The following UGT1A10 variants were observed in gnomAD, a reference collection of about 807,000 sequenced individuals.
UGT1A10 encodes the protein UDP glucuronosyltransferase family 1 member A10.
UGT1A10 carries 49 observed loss-of-function variants against 45.8 expected under a neutral mutation model. That is an observed-to-expected ratio of 1.07 (90% CI 0.85 to 1.36). The LOEUF (loss-of-function observed/expected upper bound fraction) is 1.36, where lower values mean the gene tolerates loss of function less well. UGT1A10 is among the 40% of genes most tolerant of loss of function. The pLI is 0.00. For synonymous variants in UGT1A10, 284 were observed against 249.7 expected (o/e 1.14, Z -1.29); for missense variants, 745 against 668.6 (o/e 1.11, Z -1.26).
chr2:233,693,679 G>T (rs750041304), intron 1 of UGT1A10: 1 of 1,614,172 alleles, frequency 6.2e-7, no homozygotes, highest in East Asian at 2.2e-5. Context: ...TTTATTGTCT[G>T]TTTTCAAAGT....
chr2:233,701,408 C>A (rs2075626075), intron 1 of UGT1A10, among the ~76,000 whole-genome samples: 1 of 152,062 alleles, frequency 6.6e-6, no homozygotes, highest in Non-Finnish European at 1.5e-5. Flanking sequence ...GACTTTAACA[C>A]CCCACTGTCA....
intron 1 of UGT1A10, among the ~76,000 whole-genome samples, chr2:233,676,286 T>C (rs2074353704): frequency 6.6e-6 from 1 of 152,084 alleles, no homozygotes; most frequent in Non-Finnish European, 1.5e-5. Flanking sequence ...TCCACAGGGG[T>C]CCTGCAAATA....
At chr2:233,694,512 A>C (rs2075224348) in intron 1 of UGT1A10, among the ~76,000 whole-genome samples, 1 of 152,186 alleles carries the variant, frequency 6.6e-6, no homozygotes, top group African/African-American at 2.4e-5. Context: ...CCCTCCTGAC[A>C]TGTAGGAAAA....
At chr2:233,702,880 T>C (rs1399878885) in intron 1 of UGT1A10, among the ~76,000 whole-genome samples, 5 of 152,212 alleles carry the variant, frequency 3.3e-5, no homozygotes, top group Admixed American at 2.6e-4. Context: ...TTGAGGACTT[T>C]TGCATCATAT....
intron 1 of UGT1A10, among the ~76,000 whole-genome samples, chr2:233,640,377 C>G (rs1427433859): frequency 6.6e-6 from 1 of 152,020 alleles, no homozygotes; most frequent in Non-Finnish European, 1.5e-5. Context: ...GTCATTCCAT[C>G]ATTGAATATT....
At chr2:233,711,223 C>T (rs1464133261) in intron 1 of UGT1A10, among the ~76,000 whole-genome samples, 2 of 152,210 alleles carry the variant, frequency 1.3e-5, no homozygotes, top group Non-Finnish European at 2.9e-5. Flanking sequence ...GCTCCCATGT[C>T]GCTGAAGGCA....
At chr2:233,665,701 A>G (rs1262754614) in intron 1 of UGT1A10, among the ~76,000 whole-genome samples, 1 of 152,226 alleles carries the variant, frequency 6.6e-6, no homozygotes, top group Non-Finnish European at 1.5e-5. Flanking sequence ...CTGCATCCCT[A>G]CCAGATAGGG....
chr2:233,736,836 A>T (rs1170480165), intron 1 of UGT1A10, among the ~76,000 whole-genome samples: 1 of 152,200 alleles, frequency 6.6e-6, no homozygotes, highest in Admixed American at 6.5e-5. Context: ...TTGCTTTGGT[A>T]TCACCAGTGG....
At chr2:233,731,438 C>G (rs1329766124) in intron 1 of UGT1A10, among the ~76,000 whole-genome samples, 1 of 152,078 alleles carries the variant, frequency 6.6e-6, no homozygotes, top group African/African-American at 2.4e-5. Context: ...CTCCCCCAGT[C>G]CCCCACCCCA....
intron 1 of UGT1A10, among the ~76,000 whole-genome samples, chr2:233,709,126 C>T (rs1018411763): frequency 5.3e-5 from 8 of 152,124 alleles, no homozygotes; most frequent in Non-Finnish European, 1.2e-4. Context: ...ATCATGGTGG[C>T]CAAGGGGATG....
intron 1 of UGT1A10, chr2:233,713,615 G>T (rs374147519): frequency 6.2e-7 from 1 of 1,613,832 alleles, no homozygotes; most frequent in Non-Finnish European, 8.5e-7. Context: ...TGACATTCCT[G>T]CAAAGGGTCA....
rs539153325 is a variant in UGT1A10, at chr2:233,714,494, T to G, written c.856-52540T>G. On this transcript the variant is annotated intron_variant, in intron 1 of 4. Coordinates refer to ENST00000344644, the MANE Select transcript of UGT1A10 (RefSeq NM_019075.4). ...AGGAGAATGTTTCTTGTGAAGACAC[T>G]ACTTAAAAAAAATTCTTACTAGGTT... Among the ~76,000 whole-genome samples, 98 of 152,310 alleles carry G rather than the reference T, an allele frequency of 6.4e-4. 1 individual carries two copies. The South Asian group carries it at 0.019, about 30-fold the overall frequency.
intron 1 of UGT1A10, among the ~76,000 whole-genome samples, chr2:233,727,384 C>T (rs1032238584): frequency 4.6e-5 from 7 of 152,144 alleles, no homozygotes; most frequent in Admixed American, 1.3e-4. Flanking sequence ...TGGAGTACCA[C>T]CGTCTTCCAA....
intron 1 of UGT1A10, among the ~76,000 whole-genome samples, chr2:233,705,148 A>AAG (rs939982250): frequency 1.6e-4 from 24 of 150,886 alleles, no homozygotes; most frequent in Admixed American, 1.5e-3. Flanking sequence ...AAAAAAAAAA[A>AAG]AGAGAGAGAG....
intron 1 of UGT1A10, chr2:233,747,238 C>T (rs1693595349): frequency 1.8e-5 from 29 of 1,603,598 alleles, no homozygotes; most frequent in Non-Finnish European, 2.5e-5. Flanking sequence ...CCAGGTTCCC[C>T]TGCTGTGGCT....
At chr2:233,653,942 T>A (rs1221702781) in intron 1 of UGT1A10, among the ~76,000 whole-genome samples, 1 of 152,244 alleles carries the variant, frequency 6.6e-6, no homozygotes, top group Non-Finnish European at 1.5e-5. Flanking sequence ...AAGGGACATC[T>A]CTTCATTATT....
At chr2:233,760,285 G>C (rs376515645) in intron 1 of UGT1A10, 1 of 1,612,934 alleles carries the variant, frequency 6.2e-7, no homozygotes, top group East Asian at 2.2e-5. Flanking sequence ...GAGCAAAGGC[G>C]CCATGGCTGT....
At chr2:233,692,569 C>G (rs2075102879) in intron 1 of UGT1A10, among the ~76,000 whole-genome samples, 3 of 152,158 alleles carry the variant, frequency 2.0e-5, no homozygotes, top group Admixed American at 2.0e-4. Context: ...GGATACCCAG[C>G]TGGTGTTAGA....
rs2076117983 is a variant in UGT1A10 at position 233,710,197 on chromosome 2, A to C, written c.856-56837A>C. On this transcript the variant is annotated intron_variant, in intron 1 of 4. Transcript: ENST00000344644. ...ATTGATGGACATGTGGATAGTTTCCAGTTGTTGGCTATTATGAATAAAGCT... is the reference window on the plus strand; with the variant it reads ...ATTGATGGACATGTGGATAGTTTCCCGTTGTTGGCTATTATGAATAAAGCT... 2.0e-5 allele frequency among the ~76,000 whole-genome samples: 3 copies of C among 152,278 alleles called. No individual in the cohort carries two copies. In the South Asian group the frequency reaches 6.2e-4, roughly 32 times the overall value.
Sources: gnomAD v4.1 joint callset for allele counts (sites outside exome capture counted in the v4.1 genomes callset) on GRCh38, gnomAD v4.1.1 for gene constraint, MANE v1.5 for transcripts, NCBI Gene and HGNC (gene_info 2026-07-23, HGNC 2026-07-21) for gene names.